SECISBP2: variants seen among roughly 807,000 people sequenced by gnomAD.
SECISBP2 encodes SECIS binding protein 2.
SECISBP2 carries 96 observed loss-of-function variants against 98.2 expected under a neutral mutation model. The ratio of observed to expected loss-of-function variants is 0.98; its 90% CI spans 0.83 to 1.16. The LOEUF is 1.16. SECISBP2 is among the 50% of genes most tolerant of loss of function. SECISBP2 has a pLI of 0.00. For synonymous variants in SECISBP2, 407 were observed against 370.2 expected (o/e 1.10, Z -1.14); for missense variants, 1,046 against 1,022.9 (o/e 1.02, Z -0.31).
chr9:89,329,949 T>C (rs1827475334), intron 5 of SECISBP2: 1 of 152,234 alleles, frequency 6.6e-6, no homozygotes, highest in African/African-American at 2.4e-5. Context: ...AGTCCTCACA[T>C]AATGTTGTCA....
downstream of SECISBP2, chr9:89,362,334 T>C: frequency 6.2e-7 from 1 of 1,613,530 alleles, no homozygotes; most frequent in Non-Finnish European, 8.5e-7. Flanking sequence ...TCTCCGGGGG[T>C]GGCTGTGGTC....
At chr9:89,337,939 T>G (rs1168361114) in intron 7 of SECISBP2, among the ~76,000 whole-genome samples, 1 of 152,228 alleles carries the variant, frequency 6.6e-6, no homozygotes, top group African/African-American at 2.4e-5. Flanking sequence ...GCAAAGGCCC[T>G]GTGGCCAAAG....
At chr9:89,341,228 T>A in intron 9 of SECISBP2, 119 bp from the exon 10 acceptor site, 1 of 1,016,944 alleles carries the variant, frequency 9.8e-7, no homozygotes, top group Non-Finnish European at 1.4e-6. Flanking sequence ...CTTGAATTTT[T>A]AAAAATTCTT....
chr9:89,363,383 G>T (rs1023455986), downstream of SECISBP2: 1 of 1,599,226 alleles, frequency 6.3e-7, no homozygotes, highest in Non-Finnish European at 8.5e-7. Context: ...CAGGTGCCCT[G>T]CCCCTGGCTC....
intron 14 of SECISBP2, chr9:89,354,954 C>T (rs1431084345): frequency 1.0e-6 from 1 of 985,274 alleles, no homozygotes; most frequent in Non-Finnish European, 1.2e-6. Context: ...TGCCCTATCT[C>T]CCCTTTTCCC....
At chr9:89,363,470 C>G (rs757346672), downstream of SECISBP2, 3 of 1,614,066 alleles carry the variant, frequency 1.9e-6, no homozygotes, top group East Asian at 6.7e-5. Flanking sequence ...GTCGTGCTCC[C>G]CAGCCACAGC....
intron 2 of SECISBP2, chr9:89,325,209 T>TGAAAAAA (rs1826478677): frequency 1.2e-5 from 7 of 564,120 alleles, no homozygotes; most frequent in Non-Finnish European, 2.2e-5. Context: ...TCTTACGGAC[T>TGAAAAAA]TCCAGCTCAT....
intron 7 of SECISBP2, among the ~76,000 whole-genome samples, chr9:89,337,126 T>C (rs1828882607): frequency 6.6e-6 from 1 of 152,208 alleles, no homozygotes; most frequent in Admixed American, 6.5e-5. Flanking sequence ...AGAGCCGGTT[T>C]TCCTAATATG....
At chr9:89,342,989 A>G (rs1198606440) in intron 10 of SECISBP2, among the ~76,000 whole-genome samples, 1 of 152,252 alleles carries the variant, frequency 6.6e-6, no homozygotes, top group Non-Finnish European at 1.5e-5. Flanking sequence ...TGATCTTATT[A>G]AAAGATGAGC....
chr9:89,365,515 C>A, the SECISBP2 span: 1 of 152,250 alleles, frequency 6.6e-6, no homozygotes, highest in Non-Finnish European at 1.5e-5. Context: ...GACCATGACA[C>A]CTCGTAAGAA....
intron 5 of SECISBP2, chr9:89,332,550 A>G (rs1587895170): frequency 3.3e-6 from 1 of 299,762 alleles, no homozygotes; most frequent in Non-Finnish European, 6.4e-6. Context: ...CTAGAATGTC[A>G]TATAGTTGGA....
intron 9 of SECISBP2, 54 bp downstream of exon 9, chr9:89,340,007 A>T: frequency 7.7e-7 from 1 of 1,302,348 alleles, no homozygotes; most frequent in South Asian, 1.2e-5. Context: ...TTCTGGCTCA[A>T]CTAAATGCTT....
chr9:89,356,403 A>G (rs1047949631), intron 14 of SECISBP2: 3 of 152,208 alleles, frequency 2.0e-5, no homozygotes, highest in Non-Finnish European at 4.4e-5. Context: ...ACATTTCATC[A>G]TTTTGGATCA....
At chr9:89,329,694 C>G (rs1308004028) in intron 5 of SECISBP2, 1 of 151,590 alleles carries the variant, frequency 6.6e-6, no homozygotes, top group Admixed American at 6.6e-5. Context: ...CAACTCCTGA[C>G]TTCAGGTGAT....
downstream of SECISBP2, among the ~76,000 whole-genome samples, chr9:89,362,922 A>G (rs1198242179): frequency 6.6e-6 from 1 of 152,096 alleles, no homozygotes; most frequent in Non-Finnish European, 1.5e-5. Flanking sequence ...GGGAGCCTCT[A>G]GGGAGCCTCT....
At chr9:89,322,929 G>A (rs968058430) in intron 2 of SECISBP2, 1 of 152,146 alleles carries the variant, frequency 6.6e-6, no homozygotes, top group Non-Finnish European at 1.5e-5. Context: ...GTCTTAAATG[G>A]GGTCATTGTA....
downstream of SECISBP2, chr9:89,363,591 A>G (rs1833100903): frequency 1.9e-6 from 3 of 1,604,882 alleles, no homozygotes; most frequent in Admixed American, 3.4e-5. Flanking sequence ...CTTGATGCCC[A>G]CTGGCCACCT....
intron 13 of SECISBP2, 91 bp from the exon 14 acceptor site, chr9:89,350,541 G>A: frequency 8.9e-7 from 1 of 1,122,830 alleles, no homozygotes; most frequent in Non-Finnish European, 1.4e-6. Flanking sequence ...GTCTGATGCA[G>A]TCTACGTCTC....
chr9:89,341,266 A>T (rs2131839040), intron 9 of SECISBP2, 81 bp from the exon 10 acceptor site: 2 of 1,342,076 alleles, frequency 1.5e-6, no homozygotes, highest in East Asian at 4.8e-5. Context: ...TTTTCATTTT[A>T]TCTTTACATC....
Sources: allele counts gnomAD v4.1 joint callset (sites outside exome capture counted in the v4.1 genomes callset), GRCh38; gene constraint gnomAD v4.1.1; transcripts MANE v1.5; gene names NCBI Gene and HGNC (gene_info 2026-07-23, HGNC 2026-07-21).